The following TRPC5 variants were observed in gnomAD, a reference collection of about 807,000 sequenced individuals.
TRPC5 encodes the protein transient receptor potential cation channel subfamily C member 5.
Under a neutral mutation model 56.5 loss-of-function variants are expected in TRPC5, and 9 were observed. That is an observed-to-expected ratio of 0.16 (90% CI 0.10 to 0.28). The LOEUF (loss-of-function observed/expected upper bound fraction) is 0.28. Among genes scored for constraint, TRPC5 ranks in the 10% least tolerant of loss-of-function variants. The probability of loss-of-function intolerance (pLI) is 1.00; values close to 1 mark genes in which losing one functional copy is unlikely to be tolerated. For missense variants in TRPC5, 469 were observed against 748.9 expected, an observed-to-expected ratio of 0.63 and a Z score of 4.36; for synonymous variants, 282 against 278.5, an observed-to-expected ratio of 1.01 and a Z score of -0.13.
intron 3 of TRPC5, among the ~76,000 whole-genome samples, chrX:111,870,924 A>G (rs762622012): frequency 9.0e-6 from 1 of 111,483 alleles, no homozygotes; most frequent in Admixed American, 9.5e-5. Context: ...GGGTTGGGGT[A>G]TGTGGAAGAC....
At position 111,949,090 on chromosome X, in the gene TRPC5, G is replaced by A. The variant is rs188322066; in HGVS notation, c.378+2953C>T. 1.9e-3 allele frequency among the ~76,000 whole-genome samples: 210 copies of A among 111,917 alleles called. 1 individual carries two copies. Among genetic ancestry groups the A allele is most frequent in the African/African-American group, 6.6e-3 (204 of 30,824 alleles). ...AATAAGAAAACATAAAGTGGGGGAA[G>A]GACACCCTTTTCAACAAATGGTGCT... On this transcript the variant is annotated intron_variant, in intron 2 of 10. Transcript: ENST00000262839.
At chrX:111,944,523 G>T (rs1926884351) in intron 2 of TRPC5, among the ~76,000 whole-genome samples, 1 of 110,748 alleles carries the variant, frequency 9.0e-6, no homozygotes, top group Admixed American at 9.7e-5. Context: ...TCCCCCAAAA[G>T]ATATATTCAA....
At position 111,774,828 on chromosome X, in the gene TRPC5, G is replaced by A. The variant is rs372023613; in HGVS notation, c.*1485C>T. On this transcript the variant is annotated 3_prime_UTR_variant, in exon 11 of 11. Coordinates refer to ENST00000262839, the MANE Select transcript of TRPC5 (RefSeq NM_012471.3). ...TGGTGTTGACATTAAAAAAAACAGC[G>A]TGACACCTATTTTACTTTTCTGGGC... 2.7e-5 allele frequency: 3 copies of A among 110,534 alleles called. No homozygotes were observed. Among genetic ancestry groups the A allele is most frequent in the Non-Finnish European group, 3.8e-5 (2 of 52,856 alleles). 9.1% of individuals were successfully genotyped at this position (110,534 alleles called of 1,213,427 possible). A position where few individuals can be genotyped will look rare whatever the true frequency, so the allele number is the denominator to read the frequency against.
At chrX:111,913,655 A>G (rs1222385668) in intron 2 of TRPC5, among the ~76,000 whole-genome samples, 1 of 111,632 alleles carries the variant, frequency 9.0e-6, no homozygotes, top group African/African-American at 3.3e-5. Context: ...GAATTAAAAA[A>G]TCTTTCGACT....
chrX:111,964,642 A>G (rs144175685), intron 1 of TRPC5, among the ~76,000 whole-genome samples: 8,993 of 112,428 alleles, frequency 0.08, 351 homozygotes, highest in Non-Finnish European at 0.12. Flanking sequence ...GAAACTCTAC[A>G]AGCCAGAAGA....
chrX:111,994,086 G>C (rs1928446469), intron 1 of TRPC5, among the ~76,000 whole-genome samples: 1 of 111,972 alleles, frequency 8.9e-6, no homozygotes, highest in Admixed American at 9.5e-5. Flanking sequence ...TGTATAAAGT[G>C]TAAGTAAGGG....
chrX:111,960,269 G>A (rs1314846207), intron 1 of TRPC5, among the ~76,000 whole-genome samples: 2 of 112,237 alleles, frequency 1.8e-5, no homozygotes, highest in East Asian at 5.6e-4. Flanking sequence ...ATGTTAAAAT[G>A]TCAGTACTTT....
At chrX:111,958,394 C>A (rs1927290215) in intron 1 of TRPC5, among the ~76,000 whole-genome samples, 1 of 111,751 alleles carries the variant, frequency 8.9e-6, no homozygotes, top group Admixed American at 9.5e-5. Context: ...CTCTCCCAAC[C>A]CAAATGTAAA....
intron 1 of TRPC5, among the ~76,000 whole-genome samples, chrX:112,058,624 C>CA (rs1930392267): frequency 9.0e-6 from 1 of 111,468 alleles, no homozygotes; most frequent in South Asian, 3.8e-4. Flanking sequence ...GTTGTACTAC[C>CA]AAAAAAATGC....
At chrX:111,980,924 T>C (rs775109103) in intron 1 of TRPC5, among the ~76,000 whole-genome samples, 44 of 101,703 alleles carry the variant, frequency 4.3e-4, no homozygotes, top group Middle Eastern at 5.0e-3. Context: ...TATATATATA[T>C]ACACACACAC....
intron 7 of TRPC5, among the ~76,000 whole-genome samples, chrX:111,805,515 C>T (rs976780361): frequency 5.6e-4 from 62 of 110,778 alleles, no homozygotes; most frequent in African/African-American, 2.0e-3. Flanking sequence ...GGGCAAAGGG[C>T]ATGAAGAGTA....
intron 1 of TRPC5, among the ~76,000 whole-genome samples, chrX:112,046,867 G>A (rs1335321588): frequency 9.0e-6 from 1 of 111,579 alleles, no homozygotes; most frequent in Non-Finnish European, 1.9e-5. Context: ...GACCATCTCT[G>A]TCCGCTTCTC....
chrX:111,911,043 G>T (rs1043313225), intron 3 of TRPC5, among the ~76,000 whole-genome samples: 2 of 112,624 alleles, frequency 1.8e-5, no homozygotes, highest in African/African-American at 6.5e-5. Context: ...TAGCCCTTTC[G>T]ATCTCCATGT....
At chrX:111,812,465 A>G (rs901503017) in intron 7 of TRPC5, among the ~76,000 whole-genome samples, 9 of 112,229 alleles carry the variant, frequency 8.0e-5, no homozygotes, top group Non-Finnish European at 1.7e-4. Flanking sequence ...CAGAGAAATT[A>G]TTATAAATAC....
chrX:111,792,551 A>G (rs1350606165), intron 7 of TRPC5, among the ~76,000 whole-genome samples: 1 of 112,112 alleles, frequency 8.9e-6, no homozygotes, highest in East Asian at 2.8e-4. Context: ...TGTATCCCCA[A>G]GAGAATACCT....
rs1383710430 is a variant in TRPC5, at chrX:112,077,121, T to C, written c.-22+4758A>G. On this transcript the variant is annotated intron_variant, in intron 1 of 10. Transcript: ENST00000262839. ...ACTATTATTAATCCCATTTTATAGA[T>C]GGGGACTGTGAGGCTTAGAGGCAAA... Among the ~76,000 whole-genome samples the C allele has an allele frequency of 2.7e-5, 3 of 111,754 alleles. No individual in the cohort carries two copies. The East Asian group carries it at 8.4e-4, about 31-fold the overall frequency.
intron 1 of TRPC5, among the ~76,000 whole-genome samples, chrX:112,038,860 T>G (rs1251266741): frequency 9.5e-6 from 1 of 105,633 alleles, no homozygotes; most frequent in Non-Finnish European, 1.9e-5. Flanking sequence ...TTTTTTTTTT[T>G]TTTGTATTTT....
chrX:111,907,643 A>AAATAAT (rs375222117), intron 3 of TRPC5, among the ~76,000 whole-genome samples: 2 of 109,308 alleles, frequency 1.8e-5, no homozygotes, highest in South Asian at 8.0e-4. Context: ...AAATAAAAAT[A>AAATAAT]AATAATAATA....
At chrX:111,961,311 C>T (rs747141835) in intron 1 of TRPC5, among the ~76,000 whole-genome samples, 1 of 112,059 alleles carries the variant, frequency 8.9e-6, no homozygotes, top group African/African-American at 3.2e-5. Context: ...TCTTCTTCCC[C>T]TATGCATTTT....
Sources: allele counts gnomAD v4.1 joint callset (sites outside exome capture counted in the v4.1 genomes callset), GRCh38; gene constraint gnomAD v4.1.1; transcripts MANE v1.5; gene names NCBI Gene and HGNC (gene_info 2026-07-23, HGNC 2026-07-21).